The following GFRAL variants were observed in gnomAD, a reference collection of about 807,000 sequenced individuals.
GFRAL encodes the protein GDNF family receptor alpha-like.
In GFRAL, 36 loss-of-function variants were observed where a neutral mutation model predicts 45.4. The observed-to-expected ratio is 0.79, with a 90% CI of 0.61 to 1.05. The LOEUF (loss-of-function observed/expected upper bound fraction) is 1.05, where lower values mean the gene tolerates loss of function less well. GFRAL is among the 50% of genes least tolerant of loss of function. GFRAL has a pLI of 0.00. For synonymous variants in GFRAL, 166 were observed against 154.1 expected, an observed-to-expected ratio of 1.08 and a Z score of -0.57; for missense variants, 507 against 467.5, an observed-to-expected ratio of 1.08 and a Z score of -0.78.
At chr6:55,390,931 CACAA>C (rs200498560) in intron 6 of GFRAL, among the ~76,000 whole-genome samples, 14,198 of 147,484 alleles carry the variant, frequency 0.096, 909 homozygotes, top group African/African-American at 0.19. Flanking sequence ...CACACACACA[CACAA>C]GTAGTGGTCT....
intron 6 of GFRAL, among the ~76,000 whole-genome samples, chr6:55,373,336 G>A (rs989942818): frequency 6.6e-6 from 1 of 151,984 alleles, no homozygotes. Flanking sequence ...CCCTCCTCGG[G>A]GAACATGGAA....
At chr6:55,398,597 A>G (rs1768856668) in intron 6 of GFRAL, among the ~76,000 whole-genome samples, 1 of 152,192 alleles carries the variant, frequency 6.6e-6, no homozygotes, top group African/African-American at 2.4e-5. Context: ...TGGTCACTCT[A>G]AAGCATGATT....
chr6:55,394,204 A>G (rs755902299), intron 6 of GFRAL, among the ~76,000 whole-genome samples: 3 of 152,164 alleles, frequency 2.0e-5, no homozygotes, highest in Non-Finnish European at 2.9e-5. Flanking sequence ...TTAGTTTAGA[A>G]CTTGTTAAAT....
intron 6 of GFRAL, among the ~76,000 whole-genome samples, chr6:55,373,872 T>C (rs1483329893): frequency 6.6e-6 from 1 of 152,060 alleles, no homozygotes; most frequent in Non-Finnish European, 1.5e-5. Context: ...CAGCATCCAT[T>C]AGCTATTCTT....
chr6:55,380,900 G>A (rs1368424027), intron 6 of GFRAL, among the ~76,000 whole-genome samples: 1 of 151,932 alleles, frequency 6.6e-6, no homozygotes, highest in African/African-American at 2.4e-5. Context: ...AATTCTTTAT[G>A]TTTCCACTCA....
rs1385337013 is a variant in GFRAL, at chr6:55,333,824, T to C, written c.196T>C (p.Cys66Arg). Reference protein sequence around the residue: ...DPCKMRNSSYCNLSIQYLVES... With the variant: ...DPCKMRNSSYRNLSIQYLVES... ...CTGCAAGATGAGGAATTCATCATACTGTAACCTGAGTATCCAGTACTTAGT... is the reference window on the plus strand; with the variant it reads ...CTGCAAGATGAGGAATTCATCATACCGTAACCTGAGTATCCAGTACTTAGT... Residue 66 changes from cysteine (C) to arginine (R), a missense_variant, in exon 3 of 9, where the codon TGT (cysteine) becomes CGT (arginine). Physicochemically the swap from Cys to Arg is radical, Grantham distance 180. Transcript: ENST00000340465. The C allele has an allele frequency of 6.2e-7, 1 of 1,608,712 alleles. No homozygotes were observed.
intron 6 of GFRAL, among the ~76,000 whole-genome samples, chr6:55,393,544 GAGA>G (rs1417675938): frequency 6.6e-6 from 1 of 152,184 alleles, no homozygotes; most frequent in African/African-American, 2.4e-5. Flanking sequence ...CCTGAAGAAA[GAGA>G]AGGAGTCTGT....
intron 6 of GFRAL, among the ~76,000 whole-genome samples, chr6:55,396,254 CACT>C (rs2127367004): frequency 6.6e-6 from 1 of 152,280 alleles, no homozygotes; most frequent in Admixed American, 6.5e-5. Context: ...ACATTTCTGT[CACT>C]GATCTATTAT....
At chr6:55,329,146 G>C (rs1003091182) in intron 1 of GFRAL, among the ~76,000 whole-genome samples, 3 of 152,032 alleles carry the variant, frequency 2.0e-5, no homozygotes, top group Non-Finnish European at 4.4e-5. Flanking sequence ...GAATGAATAA[G>C]ACAGATTTTG....
At chr6:55,334,264 A>G (rs1013619698) in intron 3 of GFRAL, among the ~76,000 whole-genome samples, 6 of 152,182 alleles carry the variant, frequency 3.9e-5, no homozygotes, top group African/African-American at 1.2e-4. Flanking sequence ...CACTCATTCA[A>G]TTCATATATT....
At chr6:55,361,443 A>T (rs1768273897) in intron 6 of GFRAL, among the ~76,000 whole-genome samples, 2 of 152,102 alleles carry the variant, frequency 1.3e-5, no homozygotes, top group Non-Finnish European at 2.9e-5. Flanking sequence ...TACATGATTT[A>T]CATATAAATG....
intron 6 of GFRAL, among the ~76,000 whole-genome samples, chr6:55,369,404 T>C (rs1335520800): frequency 6.6e-6 from 1 of 152,232 alleles, no homozygotes; most frequent in African/African-American, 2.4e-5. Context: ...ACCCATCTTC[T>C]GCGTCGCTCA....
chr6:55,367,846 C>T (rs1768387047), intron 6 of GFRAL, among the ~76,000 whole-genome samples: 2 of 151,802 alleles, frequency 1.3e-5, no homozygotes, highest in Admixed American at 1.3e-4. Context: ...TGAGGGTAAC[C>T]CGACCTTTCT....
chr6:55,334,584 G>A (rs1444389761), intron 3 of GFRAL, among the ~76,000 whole-genome samples: 1 of 152,146 alleles, frequency 6.6e-6, no homozygotes, highest in Non-Finnish European at 1.5e-5. Flanking sequence ...AATCAGCAGA[G>A]GAATGCACCT....
intron 6 of GFRAL, among the ~76,000 whole-genome samples, chr6:55,377,582 T>G (rs1300763299): frequency 6.6e-6 from 1 of 152,002 alleles, no homozygotes; most frequent in Non-Finnish European, 1.5e-5. Flanking sequence ...GCATTCCACA[T>G]GTACTTCTGT....
intron 6 of GFRAL, among the ~76,000 whole-genome samples, chr6:55,398,013 G>A (rs1343992877): frequency 6.6e-6 from 1 of 152,090 alleles, no homozygotes; most frequent in Non-Finnish European, 1.5e-5. Flanking sequence ...AAAAACAAAG[G>A]CTATATTATA....
chr6:55,339,480 G>A (rs1252031661), intron 3 of GFRAL, among the ~76,000 whole-genome samples: 5 of 152,130 alleles, frequency 3.3e-5, no homozygotes, highest in Admixed American at 6.5e-5. Flanking sequence ...AAACATAAAG[G>A]AGAGTAAGAC....
At chr6:55,331,462 A>C (rs1406930322) in intron 1 of GFRAL, among the ~76,000 whole-genome samples, 1 of 152,112 alleles carries the variant, frequency 6.6e-6, no homozygotes, top group East Asian at 1.9e-4. Context: ...AATAGTAATA[A>C]AAATAAATTA....
intron 3 of GFRAL, among the ~76,000 whole-genome samples, chr6:55,343,934 A>G (rs540245601): frequency 1.4e-4 from 21 of 152,322 alleles, no homozygotes; most frequent in African/African-American, 5.1e-4. Flanking sequence ...CAGAAAATCA[A>G]CAAGAAATGG....
Sources: gnomAD v4.1 joint callset for allele counts (sites outside exome capture counted in the v4.1 genomes callset) on GRCh38, gnomAD v4.1.1 for gene constraint, MANE v1.5 for transcripts, NCBI Gene and HGNC (gene_info 2026-07-23, HGNC 2026-07-21) for gene names.